The following PEMT variants were observed in gnomAD, a reference collection of about 807,000 sequenced individuals.
PEMT encodes phospholipid methyltransferase.
In PEMT, 23 loss-of-function variants were observed where a neutral mutation model predicts 27.4. The observed-to-expected ratio is 0.84, with a 90% CI of 0.60 to 1.19. The LOEUF (loss-of-function observed/expected upper bound fraction) is 1.19, where lower values mean the gene tolerates loss of function less well. Ranked by LOEUF, PEMT falls within the 50% of genes most tolerant of loss-of-function variation. The pLI is 0.00. For synonymous variants in PEMT, 137 were observed against 139.1 expected, an observed-to-expected ratio of 0.98 and a Z score of 0.11; for missense variants, 307 against 310.1, an observed-to-expected ratio of 0.99 and a Z score of 0.07.
intron 4 of PEMT, among the ~76,000 whole-genome samples, chr17:17,511,472 C>T (rs1447647439): frequency 6.6e-6 from 1 of 152,206 alleles, no homozygotes; most frequent in African/African-American, 2.4e-5. Flanking sequence ...CTTGGAGTGC[C>T]CTGTGACAGC....
Position 17,591,391 on chromosome 17 carries a change from C to A in PEMT, c.96+140G>T, listed in dbSNP as rs548877536. 318 of 724,820 alleles carry A rather than the reference C, an allele frequency of 4.4e-4. No individual in the cohort carries two copies. The African/African-American group carries it at 5.1e-3, about 12-fold the overall frequency. 44.9% of individuals were successfully genotyped at this position (724,820 alleles called of 1,614,324 possible). Reference sequence around the variant, plus strand: ...CCGGCGCTCCCGCACGCGGCTCCCCCACCCCCGCCACGCCACGCCCCCATT... The same window carrying A: ...CCGGCGCTCCCGCACGCGGCTCCCCAACCCCCGCCACGCCACGCCCCCATT... On this transcript the variant is annotated intron_variant, in intron 1 of 6. Transcript: ENST00000255389.
intron 2 of PEMT, among the ~76,000 whole-genome samples, chr17:17,557,429 C>T (rs551376454): frequency 4.6e-5 from 7 of 152,308 alleles, no homozygotes; most frequent in South Asian, 2.1e-4. Context: ...TGCTGGTGCA[C>T]GCAGAAAGTC....
intron 1 of PEMT, among the ~76,000 whole-genome samples, chr17:17,588,241 CTAATA>C (rs1303820885): frequency 1.3e-5 from 2 of 152,164 alleles, no homozygotes; most frequent in African/African-American, 4.8e-5. Flanking sequence ...AGTAACTCAT[CTAATA>C]TAACGGCCTA....
intron 1 of PEMT, among the ~76,000 whole-genome samples, chr17:17,586,952 G>A (rs903349619): frequency 2.6e-5 from 4 of 152,022 alleles, no homozygotes; most frequent in East Asian, 1.9e-4. Context: ...GCAGTGAGCC[G>A]AGATTGCACC....
At chr17:17,559,154 A>G (rs1194770270) in intron 2 of PEMT, among the ~76,000 whole-genome samples, 2 of 152,218 alleles carry the variant, frequency 1.3e-5, no homozygotes, top group East Asian at 1.9e-4. Context: ...GGGGCTGCAC[A>G]GCTAGCAAGT....
chr17:17,539,739 G>A (rs536180452), intron 2 of PEMT, among the ~76,000 whole-genome samples: 2 of 152,342 alleles, frequency 1.3e-5, no homozygotes, highest in East Asian at 3.9e-4. Context: ...TCATTCAGGG[G>A]CACAGAGCCC....
chr17:17,521,112 GC>G (rs1270876668), intron 3 of PEMT, among the ~76,000 whole-genome samples: 1 of 152,232 alleles, frequency 6.6e-6, no homozygotes, highest in Non-Finnish European at 1.5e-5. Flanking sequence ...GGCTACACGC[GC>G]CCCATCCAAA....
chr17:17,537,604 ACCTCTTCCATC>A (rs1908574911), intron 2 of PEMT, among the ~76,000 whole-genome samples: 1 of 152,158 alleles, frequency 6.6e-6, no homozygotes, highest in Non-Finnish European at 1.5e-5. Context: ...GCACGTGGCC[ACCTCTTCCATC>A]CCTGATACTT....
chr17:17,543,484 G>A (rs911631223), intron 2 of PEMT, among the ~76,000 whole-genome samples: 4 of 152,218 alleles, frequency 2.6e-5, no homozygotes, highest in Non-Finnish European at 4.4e-5. Flanking sequence ...CCTGGATCCC[G>A]GGCCCTCTGC....
intron 2 of PEMT, among the ~76,000 whole-genome samples, chr17:17,576,302 C>A (rs1019311165): frequency 7.2e-5 from 11 of 152,198 alleles, no homozygotes; most frequent in Admixed American, 7.2e-4. Flanking sequence ...ATGCAGTCCA[C>A]CCACCCCTCG....
intron 2 of PEMT, among the ~76,000 whole-genome samples, chr17:17,559,254 C>T (rs916907955): frequency 1.3e-5 from 2 of 152,194 alleles, no homozygotes; most frequent in African/African-American, 4.8e-5. Flanking sequence ...GGGCTGGAGG[C>T]AGTGGGGTCT....
At chr17:17,574,264 A>AT (rs926573998) in intron 2 of PEMT, among the ~76,000 whole-genome samples, 1 of 145,988 alleles carries the variant, frequency 6.8e-6, no homozygotes, top group Non-Finnish European at 1.5e-5. Context: ...AAAAAAAAAA[A>AT]ACCGTATGCC....
rs529903137 is a variant in PEMT, at chr17:17,517,203, C to A, written c.321-4549G>T. ...AGCCTGGGGAGTCCCTAAGCAAAGA[C>A]CCCGCCCCCGCATCCAGCCTCCTGG... On this transcript the variant is annotated intron_variant, in intron 3 of 6. Coordinates refer to ENST00000255389, the MANE Select transcript of PEMT (RefSeq NM_148172.3). 6.6e-5 allele frequency among the ~76,000 whole-genome samples: 10 copies of A among 152,262 alleles called. No homozygotes were observed. In the East Asian group the frequency reaches 1.9e-3, roughly 29 times the overall value.
intron 2 of PEMT, among the ~76,000 whole-genome samples, chr17:17,551,163 T>C (rs1909630584): frequency 6.6e-6 from 1 of 152,068 alleles, no homozygotes; most frequent in Admixed American, 6.6e-5. Flanking sequence ...TCCTCGACTG[T>C]TGATGAAGGA....
rs567348854 is a variant in PEMT at position 17,576,939 on chromosome 17, T to C, written c.185A>G (p.Asn62Ser). 6 of 1,613,144 alleles carry C rather than the reference T, an allele frequency of 3.7e-6. No homozygotes were observed. The South Asian group carries it at 4.4e-5, about 12-fold the overall frequency. Residue 62 changes from asparagine to serine, a missense_variant, in exon 2 of 7, where the codon AAT (asparagine) becomes AGT (serine). Transcript: ENST00000255389. ...ACTTACCACATTCCAGTAGAGCGGA[T>C]TGAAGGTGATGGTGATGACGGCAGC... ...FVAAVITITF[N>S]PLYWNVVARW...
At chr17:17,556,755 C>T (rs1266779581) in intron 2 of PEMT, among the ~76,000 whole-genome samples, 1 of 152,168 alleles carries the variant, frequency 6.6e-6, no homozygotes, top group Non-Finnish European at 1.5e-5. Flanking sequence ...CCACATGAGC[C>T]ACTCCAAGCA....
intron 1 of PEMT, chr17:17,577,342 G>A: frequency 1.9e-6 from 1 of 528,094 alleles, no homozygotes; most frequent in Non-Finnish European, 2.8e-6. Flanking sequence ...AGACCCTCCT[G>A]GATGAGGGTT....
chr17:17,506,744 AG>A (rs1175626443), intron 5 of PEMT, among the ~76,000 whole-genome samples: 2 of 152,220 alleles, frequency 1.3e-5, no homozygotes, highest in African/African-American at 4.8e-5. Flanking sequence ...AAATGAGTCC[AG>A]GGTCCCCCAA....
chr17:17,579,788 G>T (rs543839744), intron 1 of PEMT, among the ~76,000 whole-genome samples: 1 of 152,250 alleles, frequency 6.6e-6, no homozygotes, highest in South Asian at 2.1e-4. Flanking sequence ...ATAGCTGAGT[G>T]AAAGAGTGGC....
Sources: gnomAD v4.1 joint callset for allele counts (sites outside exome capture counted in the v4.1 genomes callset) on GRCh38, gnomAD v4.1.1 for gene constraint, MANE v1.5 for transcripts, NCBI Gene and HGNC (gene_info 2026-07-23, HGNC 2026-07-21) for gene names.